TEAD1: variants seen among roughly 807,000 people sequenced by gnomAD.
TEAD1 encodes TEA domain transcription factor 1, also known as transcriptional enhancer factor TEF-1.
In TEAD1, 9 loss-of-function variants were observed where a neutral mutation model predicts 54.9. The ratio of observed to expected loss-of-function variants is 0.16; its 90% CI spans 0.10 to 0.29. The LOEUF (loss-of-function observed/expected upper bound fraction) is 0.29, where lower values mean the gene tolerates loss of function less well. Among genes scored for constraint, TEAD1 ranks in the 10% least tolerant of loss-of-function variants. The pLI is 1.00. For synonymous variants in TEAD1, 200 were observed against 187.8 expected, an observed-to-expected ratio of 1.07 and a Z score of -0.53; for missense variants, 387 against 535.9, an observed-to-expected ratio of 0.72 and a Z score of 2.74.
At chr11:12,881,442 G>A (rs1265177104) in intron 7 of TEAD1, among the ~76,000 whole-genome samples, 1 of 152,112 alleles carries the variant, frequency 6.6e-6, no homozygotes, top group East Asian at 1.9e-4. Context: ...AAATCCTACT[G>A]ATGCCTTGGG....
At chr11:12,928,557 G>T (rs979738520) in intron 11 of TEAD1, among the ~76,000 whole-genome samples, 9 of 152,030 alleles carry the variant, frequency 5.9e-5, no homozygotes, top group African/African-American at 2.2e-4. Context: ...GGTGTGAGCT[G>T]TCACACCCAA....
chr11:12,857,055 G>A (rs1361559554), intron 3 of TEAD1, among the ~76,000 whole-genome samples: 3 of 152,136 alleles, frequency 2.0e-5, no homozygotes, highest in African/African-American at 7.2e-5. Flanking sequence ...TCTTCTATCT[G>A]GTAAGGCAAG....
intron 10 of TEAD1, 144 bp downstream of exon 10, chr11:12,902,257 C>CAAGT (rs1948437613): frequency 8.7e-7 from 1 of 1,146,550 alleles, no homozygotes; most frequent in Non-Finnish European, 1.3e-6. Context: ...GGAGCACGGA[C>CAAGT]TCACACCTGT....
At chr11:12,896,016 C>G (rs1948308979) in intron 9 of TEAD1, among the ~76,000 whole-genome samples, 1 of 149,896 alleles carries the variant, frequency 6.7e-6, no homozygotes, top group Non-Finnish European at 1.5e-5. Context: ...TTCAGTCACC[C>G]TATGTGCTTA....
intron 3 of TEAD1, among the ~76,000 whole-genome samples, chr11:12,768,883 C>A (rs997805859): frequency 3.9e-5 from 6 of 152,200 alleles, no homozygotes; most frequent in African/African-American, 1.4e-4. Context: ...TCCACTTAGC[C>A]TTTTGAAGCC....
intron 5 of TEAD1, among the ~76,000 whole-genome samples, chr11:12,878,493 T>A (rs928506957): frequency 2.6e-5 from 4 of 152,180 alleles, no homozygotes; most frequent in African/African-American, 9.7e-5. Flanking sequence ...ATATAGACCC[T>A]CTATTGGCAC....
At chr11:12,730,460 T>C (rs1445164752) in intron 2 of TEAD1, among the ~76,000 whole-genome samples, 1 of 137,818 alleles carries the variant, frequency 7.3e-6, no homozygotes, top group Non-Finnish European at 1.5e-5. Context: ...GTATTCCATT[T>C]GGCTCCAGTT....
chr11:12,906,567 G>GAA (rs1948526696), intron 10 of TEAD1, among the ~76,000 whole-genome samples: 1 of 150,718 alleles, frequency 6.6e-6, no homozygotes, highest in Non-Finnish European at 1.5e-5. Context: ...AAGAAAGAAA[G>GAA]AAAAGTACAA....
intron 2 of TEAD1, among the ~76,000 whole-genome samples, chr11:12,742,389 A>G (rs577612165): frequency 1.3e-5 from 2 of 152,340 alleles, no homozygotes; most frequent in African/African-American, 4.8e-5. Context: ...AAAGAAGTCA[A>G]ACTCATAAAA....
chr11:12,716,125 G>T (rs1944057130), intron 2 of TEAD1, among the ~76,000 whole-genome samples: 1 of 151,886 alleles, frequency 6.6e-6, no homozygotes, highest in African/African-American at 2.4e-5. Flanking sequence ...CGGGCTCTTT[G>T]TCTGTCGGCT....
rs574541845 is a variant in TEAD1 at position 12,908,682 on chromosome 11, A to G, written c.873+6569A>G. Among the ~76,000 whole-genome samples, 11 of 152,306 alleles carry G rather than the reference A, an allele frequency of 7.2e-5. 1 individual carries two copies. The South Asian group carries it at 1.9e-3, about 26-fold the overall frequency. On this transcript the variant is annotated intron_variant, in intron 10 of 12. Transcript: ENST00000527636. ...ATTAGGAGAAAGCAGTGTTGTTTTT[A>G]TATTATGATTATGAAGGTATAACAT...
intron 10 of TEAD1, among the ~76,000 whole-genome samples, chr11:12,917,309 A>T (rs991565979): frequency 2.0e-5 from 3 of 152,142 alleles, no homozygotes; most frequent in African/African-American, 7.2e-5. Context: ...AGGCAAGGAA[A>T]CAGAACCCTC....
chr11:12,730,694 C>CTTTTTTTTTTTTTTT, intron 2 of TEAD1, among the ~76,000 whole-genome samples: 1 of 65,640 alleles, frequency 1.5e-5, no homozygotes, highest in Non-Finnish European at 2.7e-5. Flanking sequence ...CTACATAGCT[C>CTTTTTTTTTTTTTTT]TTTTTTTTTT....
At chr11:12,744,362 T>C (rs1381722459) in intron 2 of TEAD1, among the ~76,000 whole-genome samples, 1 of 152,144 alleles carries the variant, frequency 6.6e-6, no homozygotes, top group Non-Finnish European at 1.5e-5. Flanking sequence ...GGGCAAAATC[T>C]AAATGTCCAA....
At chr11:12,851,833 A>T (rs1317308952) in intron 3 of TEAD1, among the ~76,000 whole-genome samples, 1 of 152,126 alleles carries the variant, frequency 6.6e-6, no homozygotes, top group Non-Finnish European at 1.5e-5. Flanking sequence ...TTGAGCACGT[A>T]CTTAATAGCT....
intron 3 of TEAD1, among the ~76,000 whole-genome samples, chr11:12,769,483 T>C (rs1224138648): frequency 1.3e-5 from 2 of 152,104 alleles, no homozygotes; most frequent in African/African-American, 4.8e-5. Context: ...GTCGCTACAC[T>C]CCTCTGGATG....
At chr11:12,788,760 C>T (rs1945735791) in intron 3 of TEAD1, among the ~76,000 whole-genome samples, 2 of 152,328 alleles carry the variant, frequency 1.3e-5, no homozygotes, top group South Asian at 4.1e-4. Flanking sequence ...GTAAAAAATA[C>T]TGAGTAAAAT....
intron 3 of TEAD1, among the ~76,000 whole-genome samples, chr11:12,853,663 A>G (rs905717059): frequency 5.9e-5 from 9 of 152,240 alleles, no homozygotes; most frequent in African/African-American, 2.2e-4. Flanking sequence ...TGTATTCACT[A>G]TGCAGCCTTA....
chr11:12,764,526 T>C (rs1012018957), intron 3 of TEAD1, 92 bp downstream of exon 3: 14 of 1,417,422 alleles, frequency 9.9e-6, no homozygotes, highest in Non-Finnish European at 1.3e-5. Context: ...GAGCTGTTCA[T>C]TGTATGGGGT....
Sources: allele counts gnomAD v4.1 joint callset (sites outside exome capture counted in the v4.1 genomes callset), GRCh38; gene constraint gnomAD v4.1.1; transcripts MANE v1.5; gene names NCBI Gene and HGNC (gene_info 2026-07-23, HGNC 2026-07-21).